Variants in EIPR1 observed in about 807,000 individuals in gnomAD.
The protein encoded by EIPR1 is EARP and GARP complex-interacting protein 1.
A neutral mutation model predicts 48.1 loss-of-function variants in EIPR1; 25 were observed. The observed-to-expected ratio is 0.52, with a 90% CI of 0.38 to 0.73. EIPR1 has a LOEUF of 0.73. EIPR1 is among the 30% of genes least tolerant of loss of function. The pLI, the probability that EIPR1 is intolerant of heterozygous loss-of-function variation, is 0.00. For synonymous variants in EIPR1, 204 were observed against 201.9 expected (o/e 1.01, Z -0.09); for missense variants, 415 against 506.2 (o/e 0.82, Z 1.73).
At chr2:3,252,064 C>T (rs1276086868) in intron 4 of EIPR1, among the ~76,000 whole-genome samples, 1 of 152,220 alleles carries the variant, frequency 6.6e-6, no homozygotes, top group Admixed American at 6.5e-5. Flanking sequence ...AAAGCCCTAG[C>T]AAAGGGGCCT....
chr2:3,359,791 A>G (rs1421417988), intron 1 of EIPR1, among the ~76,000 whole-genome samples: 1 of 152,242 alleles, frequency 6.6e-6, no homozygotes, highest in African/African-American at 2.4e-5. Flanking sequence ...AAATTTTTAT[A>G]GTATAATATG....
intron 3 of EIPR1, among the ~76,000 whole-genome samples, chr2:3,283,965 A>AG (rs59096350): frequency 2.0e-5 from 3 of 147,174 alleles, no homozygotes; most frequent in Non-Finnish European, 4.5e-5. Flanking sequence ...AAAAAAAAAA[A>AG]GAAAGAAAGA....
At chr2:3,283,944 T>TAAAAA (rs59593196) in intron 3 of EIPR1, among the ~76,000 whole-genome samples, 5 of 92,830 alleles carry the variant, frequency 5.4e-5, no homozygotes, top group African/African-American at 1.4e-4. Context: ...AGACTACATC[T>TAAAAA]AAAAAAAAAA....
At chr2:3,341,907 A>T (rs1256040224) in intron 2 of EIPR1, among the ~76,000 whole-genome samples, 3 of 152,212 alleles carry the variant, frequency 2.0e-5, no homozygotes, top group Non-Finnish European at 1.5e-5. Context: ...ATTCTTTATT[A>T]TAACCAATGA....
At chr2:3,323,032 C>T (rs1436273560) in intron 3 of EIPR1, among the ~76,000 whole-genome samples, 1 of 152,090 alleles carries the variant, frequency 6.6e-6, no homozygotes, top group Admixed American at 6.5e-5. Flanking sequence ...GTCTTCATAA[C>T]CTCTGGCTCT....
chr2:3,195,765 G>A (rs1664781634), intron 6 of EIPR1, among the ~76,000 whole-genome samples: 1 of 152,134 alleles, frequency 6.6e-6, no homozygotes, highest in Non-Finnish European at 1.5e-5. Flanking sequence ...GCAAACCAAA[G>A]CTGCTTGCAA....
intron 4 of EIPR1, among the ~76,000 whole-genome samples, chr2:3,222,430 G>T (rs761142894): frequency 6.6e-6 from 1 of 152,212 alleles, no homozygotes; most frequent in Non-Finnish European, 1.5e-5. Flanking sequence ...TCAAGTGGCT[G>T]TATAAGTAAC....
rs143603530 is a variant in EIPR1, at chr2:3,272,426, T to C, written c.260-14971A>G. Among the ~76,000 whole-genome samples the C allele has an allele frequency of 4.9e-4, 74 of 152,340 alleles. 2 individuals carry two copies. Among genetic ancestry groups the C allele is most frequent in the African/African-American group, 1.6e-3 (66 of 41,576 alleles). ...AAGCTTAATCATTTCTAGCTTTTGATTTAAAGTGAGAGATATTCCTTTCAT... is the reference window on the plus strand; with the variant it reads ...AAGCTTAATCATTTCTAGCTTTTGACTTAAAGTGAGAGATATTCCTTTCAT... On this transcript the variant is annotated intron_variant, in intron 3 of 8. Coordinates refer to ENST00000382125, the MANE Select transcript of EIPR1 (RefSeq NM_003310.5).
At chr2:3,306,518 TAAC>T (rs1181725192) in intron 3 of EIPR1, among the ~76,000 whole-genome samples, 1 of 152,212 alleles carries the variant, frequency 6.6e-6, no homozygotes, top group Non-Finnish European at 1.5e-5. Context: ...CCCAAAAACT[TAAC>T]TACTAATAGC....
chr2:3,331,082 T>G (rs536642758), intron 3 of EIPR1, among the ~76,000 whole-genome samples: 5 of 132,644 alleles, frequency 3.8e-5, no homozygotes, highest in Non-Finnish European at 5.0e-5. Flanking sequence ...CACACACTCA[T>G]GAGATGGTGT....
At chr2:3,249,037 A>G (rs1666926243) in intron 4 of EIPR1, among the ~76,000 whole-genome samples, 1 of 152,228 alleles carries the variant, frequency 6.6e-6, no homozygotes, top group African/African-American at 2.4e-5. Context: ...AACACATTAA[A>G]TAGGTACTGA....
intron 4 of EIPR1, among the ~76,000 whole-genome samples, chr2:3,225,222 ATGTGTGTGTGTG>A (rs61557621): frequency 2.6e-4 from 35 of 137,022 alleles, no homozygotes; most frequent in Admixed American, 5.2e-4. Flanking sequence ...ACACTGTGAT[ATGTGTGTGTGTG>A]TGTGTGTGTG....
intron 4 of EIPR1, among the ~76,000 whole-genome samples, chr2:3,249,504 G>C (rs1447472353): frequency 6.6e-6 from 1 of 152,196 alleles, no homozygotes; most frequent in Admixed American, 6.5e-5. Flanking sequence ...TGTTTAGAAG[G>C]GAATCAAAGC....
At chr2:3,327,949 GTTGCCCAGACTGGTC>G (rs1669749924) in intron 3 of EIPR1, among the ~76,000 whole-genome samples, 1 of 151,854 alleles carries the variant, frequency 6.6e-6, no homozygotes, top group Admixed American at 6.6e-5. Flanking sequence ...ATCTTCTCGT[GTTGCCCAGACTGGTC>G]TTGAACTCCT....
intron 1 of EIPR1, among the ~76,000 whole-genome samples, chr2:3,374,789 A>C (rs1234637645): frequency 6.1e-5 from 9 of 146,838 alleles, no homozygotes; most frequent in East Asian, 2.0e-4. Context: ...GTGGGACTGT[A>C]AACTAGTTCA....
intron 6 of EIPR1, among the ~76,000 whole-genome samples, chr2:3,195,268 C>T (rs1277220273): frequency 5.3e-5 from 8 of 152,250 alleles, no homozygotes; most frequent in Non-Finnish European, 8.8e-5. Context: ...CCTACCTGCA[C>T]GGCCTCCCCA....
chr2:3,338,593 G>T (rs896559903), intron 2 of EIPR1, among the ~76,000 whole-genome samples: 1 of 152,144 alleles, frequency 6.6e-6, no homozygotes, highest in Non-Finnish European at 1.5e-5. Context: ...GACTGACCAC[G>T]CCTGGCCCAC....
At chr2:3,293,130 C>T (rs1023600039) in intron 3 of EIPR1, among the ~76,000 whole-genome samples, 11 of 152,242 alleles carry the variant, frequency 7.2e-5, no homozygotes, top group Non-Finnish European at 1.6e-4. Flanking sequence ...TCTCGACAAA[C>T]TATCACCCTA....
chr2:3,197,601 C>T (rs1333336983), intron 5 of EIPR1, among the ~76,000 whole-genome samples: 2 of 152,208 alleles, frequency 1.3e-5, no homozygotes, highest in East Asian at 3.8e-4. Context: ...AGGGTGGGGC[C>T]CAGTTGTGAG....
Sources: gnomAD v4.1 joint callset for allele counts (sites outside exome capture counted in the v4.1 genomes callset) on GRCh38, gnomAD v4.1.1 for gene constraint, MANE v1.5 for transcripts, NCBI Gene and HGNC (gene_info 2026-07-23, HGNC 2026-07-21) for gene names.